Variants in TPMT observed in about 807,000 individuals in gnomAD.
TPMT encodes thiopurine S-methyltransferase, also known as S-adenosyl-L-methionine:thiopurine S-methyltransferase.
In TPMT, 18 loss-of-function variants were observed where a neutral mutation model predicts 34.2. The ratio of observed to expected loss-of-function variants is 0.53; its 90% CI spans 0.36 to 0.78. The LOEUF is 0.78. Ranked by LOEUF, TPMT falls within the 30% of genes least tolerant of loss-of-function variation. TPMT has a pLI of 0.00. For missense variants in TPMT, 265 were observed against 288.1 expected, an observed-to-expected ratio of 0.92 and a Z score of 0.58; for synonymous variants, 69 against 92.4, an observed-to-expected ratio of 0.75 and a Z score of 1.45.
At chr6:18,142,541 C>T (rs1161813271) in intron 4 of TPMT, among the ~76,000 whole-genome samples, 1 of 151,894 alleles carries the variant, frequency 6.6e-6, no homozygotes, top group Non-Finnish European at 1.5e-5. Context: ...TTTAAGCTTC[C>T]CCACTCCTCT....
rs193284611 is a variant in TPMT at position 18,139,420 on chromosome 6, T to A, written c.419+245A>T. 6.6e-6 allele frequency among the ~76,000 whole-genome samples: 1 copy of A among 152,332 alleles called. No individual in the cohort carries two copies. Among genetic ancestry groups the A allele is most frequent in the African/African-American group, 2.4e-5 (1 of 41,588 alleles). ...CAGGTGCAAGGTAGAAGACACTGTC[T>A]TACTCACCTTTCTTTTTCCCTAGCT... On this transcript the variant is annotated intron_variant, in intron 5 of 8. Transcript: ENST00000309983. The surrounding 1 kb of genome is among the most constrained non-coding windows in gnomAD (Gnocchi z 4.2).
Position 18,129,788 on chromosome 6 carries a change from T to C in TPMT, c.*880A>G, listed in dbSNP as rs1259407087. On this transcript the variant is annotated 3_prime_UTR_variant, in exon 9 of 9. Coordinates refer to ENST00000309983, the MANE Select transcript of TPMT (RefSeq NM_000367.5). ...ATAGATTGTTTAATTAAAATGTATT[T>C]GTTTCTTGATTCTGTTACAGATTGT... The C allele has an allele frequency of 6.6e-6, 1 of 152,234 alleles. No individual in the cohort carries two copies. The highest frequency in any genetic ancestry group is 1.5e-5 in the Non-Finnish European group (1 of 68,042). The allele number at this position is 152,234 out of a possible 1,614,324, so 9.4% of individuals were successfully genotyped here. A position where few individuals can be genotyped will look rare whatever the true frequency, so the allele number is the denominator to read the frequency against.
At chr6:18,141,642 G>A (rs968993827) in intron 4 of TPMT, among the ~76,000 whole-genome samples, 2 of 152,024 alleles carry the variant, frequency 1.3e-5, no homozygotes, top group Non-Finnish European at 2.9e-5. Flanking sequence ...GCCCAGCTGA[G>A]CAATTAATTT....
In TPMT at chr6:18,131,983, G is replaced by C. The variant is rs551042533; in HGVS notation, c.625+150C>G. On this transcript the variant is annotated intron_variant, in intron 8 of 8. Transcript: ENST00000309983. This position sits in a 1 kb window ranked among gnomAD's most constrained non-coding sequence, Gnocchi z 4.3. The stretch of plus-strand genomic sequence containing the variant: ...GTAGAGACAGGGTTTCGCCATGTTG[G>C]CCAGGCTGGTCTCGAACTCCTGGCC... 35 of 737,574 alleles carry C rather than the reference G, an allele frequency of 4.7e-5. No individual in the cohort carries two copies. The highest frequency in any genetic ancestry group is 6.8e-5 in the Non-Finnish European group (29 of 425,606). 45.7% of individuals were successfully genotyped at this position (737,574 alleles called of 1,614,324 possible).
rs1409247287 is a variant in TPMT, at chr6:18,133,900, C to T, written c.495-11G>A. 1.2e-6 allele frequency: 2 copies of T among 1,608,560 alleles called. No homozygotes were observed. The highest frequency in any genetic ancestry group is 2.2e-5 in the South Asian group (2 of 90,942). ...ATTGTATCTGCATAGCTACAAAGAA[C>T]ACAAGAAGGTATTTGTTACATTTCT... On this transcript the variant is annotated splice_polypyrimidine_tract_variant and intron_variant, in intron 6 of 8. Coordinates refer to ENST00000309983, the MANE Select transcript of TPMT (RefSeq NM_000367.5).
Position 18,139,751 on chromosome 6 carries a change from T to G in TPMT, c.367-34A>C. On this transcript the variant is annotated intron_variant, in intron 4 of 8. Coordinates refer to ENST00000309983, the MANE Select transcript of TPMT (RefSeq NM_000367.5). The surrounding 1 kb of genome is among the most constrained non-coding windows in gnomAD (Gnocchi z 4.2). ...AAATAATGAAAAAAAAATTTTTTTTTTTTACTTAGTAAGTACTTGAATAGT... is the reference window on the plus strand; with the variant it reads ...AAATAATGAAAAAAAAATTTTTTTTGTTTACTTAGTAAGTACTTGAATAGT... The G allele has an allele frequency of 6.5e-7, 1 of 1,539,240 alleles. No homozygotes were observed. Among genetic ancestry groups the G allele is most frequent in the Non-Finnish European group, 8.9e-7 (1 of 1,120,610 alleles).
chr6:18,138,821 A>G lies in TPMT; in HGVS notation c.494+142T>C. The G allele has an allele frequency of 1.4e-6, 1 of 717,592 alleles. No homozygotes were observed. The highest frequency in any genetic ancestry group is 2.3e-6 in the Non-Finnish European group (1 of 426,012). 44.5% of individuals were successfully genotyped at this position (717,592 alleles called of 1,614,324 possible). A position where few individuals can be genotyped will look rare whatever the true frequency, so the allele number is the denominator to read the frequency against. Reference sequence around the variant, plus strand: ...CCTATACTTTTTAGACAAAGCTAGTATTGGATTTAGGTTTTTATAAATTCC... The same window carrying G: ...CCTATACTTTTTAGACAAAGCTAGTGTTGGATTTAGGTTTTTATAAATTCC... On this transcript the variant is annotated intron_variant, in intron 6 of 8. Transcript: ENST00000309983. The surrounding 1 kb of genome is among the most constrained non-coding windows in gnomAD (Gnocchi z 4.1).
chr6:18,145,565 AC>A lies in TPMT; in HGVS notation c.234-1838del, dbSNP rs2150716806. ...AAACAAGTATAGCAGGACTGACTGT[AC>A]CTTTTATCTACAAAAGAGTACGTAC... On this transcript the variant is annotated intron_variant, in intron 3 of 8. Coordinates refer to ENST00000309983, the MANE Select transcript of TPMT (RefSeq NM_000367.5). This position sits in a 1 kb window ranked among gnomAD's most constrained non-coding sequence, Gnocchi z 5.6. Among the ~76,000 whole-genome samples, 1 of 152,344 alleles carries A rather than the reference AC, an allele frequency of 6.6e-6. No homozygotes were observed. Among genetic ancestry groups the A allele is most frequent in the South Asian group, 2.1e-4 (1 of 4,830 alleles).
Position 18,138,271 on chromosome 6 carries a change from T to G in TPMT, c.494+692A>C, listed in dbSNP as rs1459181800. ...AAATATTTTGATTTTTTTGTTTTTT[T>G]TTTTTTTTAAATATTTTACAGACAA... On this transcript the variant is annotated intron_variant, in intron 6 of 8. Transcript: ENST00000309983. This position sits in a 1 kb window ranked among gnomAD's most constrained non-coding sequence, Gnocchi z 4.1. Among the ~76,000 whole-genome samples, 1 of 151,258 alleles carries G rather than the reference T, an allele frequency of 6.6e-6. No individual in the cohort carries two copies. Among genetic ancestry groups the G allele is most frequent in the Non-Finnish European group, 1.5e-5 (1 of 67,806 alleles).
intron 1 of TPMT, among the ~76,000 whole-genome samples, chr6:18,151,227 C>T (rs1251174450): frequency 2.1e-5 from 3 of 140,844 alleles, no homozygotes; most frequent in Non-Finnish European, 4.5e-5. Flanking sequence ...GTGCTTTGGG[C>T]GACCAAAGTG....
rs1193271353 is a variant in TPMT at position 18,139,071 on chromosome 6, A to G, written c.420-34T>C. On this transcript the variant is annotated intron_variant, in intron 5 of 8. Transcript: ENST00000309983. The surrounding 1 kb of genome is among the most constrained non-coding windows in gnomAD (Gnocchi z 4.2). ...AAGAGAAAAAACATTTTATGGGAGA[A>G]AAATCAAATCTTTAAGAAGATGAGC... The G allele has an allele frequency of 6.3e-7, 1 of 1,583,354 alleles. No homozygotes were observed. Among genetic ancestry groups the G allele is most frequent in the Admixed American group, 1.7e-5 (1 of 59,972 alleles).
At position 18,132,140 on chromosome 6, in the gene TPMT, C is replaced by G; in HGVS notation, c.618G>C (p.Arg206Ser). The change falls in exon 8 of 9, where the codon AGG becomes AGC. Residue 206 changes from arginine to serine, a missense_variant. Transcript: ENST00000309983. The surrounding 1 kb of genome is among the most constrained non-coding windows in gnomAD (Gnocchi z 4.8). ...ATAAGTCCACAAACTTACCAAACAA[C>G]CTTTCAATTTCAGCATGTGGAACAT... ...PFYVPHAEIE[R>S]LFGKICNIRC... 1 of 1,614,118 alleles carries G rather than the reference C, an allele frequency of 6.2e-7. No homozygotes were observed. Among genetic ancestry groups the G allele is most frequent in the Non-Finnish European group, 8.5e-7 (1 of 1,179,986 alleles).
At chr6:18,152,461 A>G (rs1385778882) in intron 1 of TPMT, among the ~76,000 whole-genome samples, 3 of 152,180 alleles carry the variant, frequency 2.0e-5, no homozygotes, top group African/African-American at 7.2e-5. Flanking sequence ...ATAATTTTCT[A>G]CAGCTTCTTT....
chr6:18,151,449 C>T (rs1384986218), intron 1 of TPMT, among the ~76,000 whole-genome samples: 1 of 151,186 alleles, frequency 6.6e-6, no homozygotes, highest in Non-Finnish European at 1.5e-5. Context: ...GCCTGGGCTA[C>T]AGATCAAGAC....
rs1165619500 is a variant in TPMT, at chr6:18,154,232, A to G, written c.-45+801T>C. Among the ~76,000 whole-genome samples the G allele has an allele frequency of 3.3e-5, 5 of 152,230 alleles. No individual in the cohort carries two copies. The highest frequency in any genetic ancestry group is 6.5e-5 in the Admixed American group (1 of 15,274). ...TTCTAGAGAAATAAAGTTTATTTCTATAATACAAAAAAAGTGCACATTACA... is the reference window on the plus strand; with the variant it reads ...TTCTAGAGAAATAAAGTTTATTTCTGTAATACAAAAAAAGTGCACATTACA... On this transcript the variant is annotated intron_variant, in intron 1 of 8. Coordinates refer to ENST00000309983, the MANE Select transcript of TPMT (RefSeq NM_000367.5). This position sits in a 1 kb window ranked among gnomAD's most constrained non-coding sequence, Gnocchi z 4.2.
In TPMT at chr6:18,143,827, T is replaced by A; in HGVS notation, c.234-99A>T. On this transcript the variant is annotated intron_variant, in intron 3 of 8. Transcript: ENST00000309983. The surrounding 1 kb of genome is among the most constrained non-coding windows in gnomAD (Gnocchi z 6.1). ...ATATATTTTCTTTAATTTAGAGGAA[T>A]TTATATGAATTCAGGTTCATAGGGT... The A allele has an allele frequency of 6.9e-7, 1 of 1,441,086 alleles. No individual in the cohort carries two copies. Among genetic ancestry groups the A allele is most frequent in the East Asian group, 2.5e-5 (1 of 40,328 alleles). The allele number at this position is 1,441,086 out of a possible 1,614,324, so 89.3% of individuals were successfully genotyped here.
chr6:18,154,573 A>T lies in TPMT; in HGVS notation c.-45+460T>A, dbSNP rs1419990735. ...TTTTCCCAAAAATCACTAATACACCAGGCTGGGGAAAAAACCGAGAGTCCG... is the reference window on the plus strand; with the variant it reads ...TTTTCCCAAAAATCACTAATACACCTGGCTGGGGAAAAAACCGAGAGTCCG... On this transcript the variant is annotated intron_variant, in intron 1 of 8. Transcript: ENST00000309983. This position sits in a 1 kb window ranked among gnomAD's most constrained non-coding sequence, Gnocchi z 4.2. Among the ~76,000 whole-genome samples, 10 of 152,206 alleles carry T rather than the reference A, an allele frequency of 6.6e-5. No homozygotes were observed. The highest frequency in any genetic ancestry group is 3.4e-3 in the Middle Eastern group (1 of 294).
In TPMT at chr6:18,146,886, G is replaced by A. The variant is rs1784255915; in HGVS notation, c.233+937C>T. Among the ~76,000 whole-genome samples, 1 of 152,146 alleles carries A rather than the reference G, an allele frequency of 6.6e-6. No individual in the cohort carries two copies. The highest frequency in any genetic ancestry group is 1.5e-5 in the Non-Finnish European group (1 of 68,020). ...CTCCCAAAAAATGCATGCATACTCTGCGTTAGTCACCGATATTTATATTCA... is the reference window on the plus strand; with the variant it reads ...CTCCCAAAAAATGCATGCATACTCTACGTTAGTCACCGATATTTATATTCA... On this transcript the variant is annotated intron_variant, in intron 3 of 8. Transcript: ENST00000309983. This position sits in a 1 kb window ranked among gnomAD's most constrained non-coding sequence, Gnocchi z 6.2.
rs771757151 is a variant in TPMT, at chr6:18,133,860, C to T, written c.524G>A (p.Gly175Glu). ...CYADTMFSLL[G>E]KKFQYLLCVL... Reference sequence around the variant, plus strand: ...ACACAGGAGATACTGAAACTTCTTTCCCAGGAGGGAAAACATTGTATCTGC... The same window carrying T: ...ACACAGGAGATACTGAAACTTCTTTTCCAGGAGGGAAAACATTGTATCTGC... The change falls in exon 7 of 9, where the codon GGA becomes GAA. Residue 175 changes from glycine (G) to glutamate (E), a missense_variant. Gly to Glu is a moderately conservative substitution (Grantham distance 98). Coordinates refer to ENST00000309983, the MANE Select transcript of TPMT (RefSeq NM_000367.5). The T allele has an allele frequency of 2.9e-5, 46 of 1,613,030 alleles. No homozygotes were observed. Among genetic ancestry groups the T allele is most frequent in the Non-Finnish European group, 2.9e-5 (34 of 1,179,716 alleles).
Sources: allele counts gnomAD v4.1 joint callset (sites outside exome capture counted in the v4.1 genomes callset), GRCh38; gene constraint gnomAD v4.1.1; non-coding constraint Gnocchi (gnomAD v3.1); transcripts MANE v1.5; gene names NCBI Gene and HGNC (gene_info 2026-07-23, HGNC 2026-07-21).